Variants in FUT8 observed in about 807,000 individuals in gnomAD.
The protein encoded by FUT8 is fucosyltransferase 8, also known as alpha-(1,6)-fucosyltransferase.
In FUT8, 29 loss-of-function variants were observed where a neutral mutation model predicts 71.3. The observed-to-expected ratio is 0.41, with a 90% CI of 0.30 to 0.55. The LOEUF is 0.55. FUT8 is among the 20% of genes least tolerant of loss of function. FUT8 has a pLI of 0.34. For synonymous variants in FUT8, 254 were observed against 239.3 expected, an observed-to-expected ratio of 1.06 and a Z score of -0.57; for missense variants, 544 against 702.1, an observed-to-expected ratio of 0.77 and a Z score of 2.55.
At chr14:65,424,539 CTTTTTTTTTT>C (rs796843891) in intron 1 of FUT8, among the ~76,000 whole-genome samples, 1 of 125,448 alleles carries the variant, frequency 8.0e-6, no homozygotes, top group Non-Finnish European at 1.7e-5. Flanking sequence ...CTTTTCTTTT[CTTTTTTTTTT>C]TTTTTTTTGA....
chr14:65,715,698 T>C (rs1425374578), intron 7 of FUT8, among the ~76,000 whole-genome samples: 4 of 152,248 alleles, frequency 2.6e-5, no homozygotes, highest in Non-Finnish European at 5.9e-5. Context: ...AATTTCCTTC[T>C]TAATTTCTTC....
At chr14:65,363,311 GGGGTTTCA>G in the FUT8 span, among the ~76,000 whole-genome samples, 3 of 47,170 alleles carry the variant, frequency 6.4e-5, no homozygotes, top group Non-Finnish European at 2.7e-4. Context: ...TAGTAGAGAT[GGGGTTTCA>G]CCCTGTTGGT....
intron 7 of FUT8, among the ~76,000 whole-genome samples, chr14:65,693,992 T>G (rs1371003079): frequency 6.6e-6 from 1 of 152,220 alleles, no homozygotes; most frequent in Non-Finnish European, 1.5e-5. Context: ...ATCCATAATA[T>G]TCCTTTATTA....
At chr14:65,609,264 C>A (rs1460337608) in intron 3 of FUT8, among the ~76,000 whole-genome samples, 1 of 149,492 alleles carries the variant, frequency 6.7e-6, no homozygotes, top group Non-Finnish European at 1.5e-5. Context: ...CACTGCACTC[C>A]AGCCTGGGTG....
At chr14:65,373,850 C>G in the FUT8 span, among the ~76,000 whole-genome samples, 1 of 152,204 alleles carries the variant, frequency 6.6e-6, no homozygotes, top group Non-Finnish European at 1.5e-5. Flanking sequence ...GTGCCACCAT[C>G]CGTCCGTCTT....
In FUT8 at chr14:65,439,962, A is replaced by ACG. The variant is rs1566748188; in HGVS notation, c.-325-15659_-325-15658insCG. On this transcript the variant is annotated intron_variant, in intron 1 of 10. Transcript: ENST00000673929. ...AATGTGTGTGTGTGTGTGTATATAT[A>ACG]TATATATATATATATATATATATAT... Among the ~76,000 whole-genome samples, 69 of 113,908 alleles carry ACG rather than the reference A, an allele frequency of 6.1e-4. 2 individuals carry two copies. The highest frequency in any genetic ancestry group is 2.9e-3 in the East Asian group (11 of 3,778). 74.7% of individuals were successfully genotyped at this position (113,908 alleles called of 152,430 possible).
chr14:65,638,567 T>G lies in FUT8; in HGVS notation c.597+8961T>G, dbSNP rs1482714899. Among the ~76,000 whole-genome samples, 1 of 152,156 alleles carries G rather than the reference T, an allele frequency of 6.6e-6. No individual in the cohort carries two copies. The highest frequency in any genetic ancestry group is 1.5e-5 in the Non-Finnish European group (1 of 68,026). ...TTGGAGAAATAGAAAACTTCTCCAGTGACAGTATATGATCCTTTGGAATAA... is the reference window on the plus strand; with the variant it reads ...TTGGAGAAATAGAAAACTTCTCCAGGGACAGTATATGATCCTTTGGAATAA... On this transcript the variant is annotated intron_variant, in intron 6 of 10. Coordinates refer to ENST00000673929, the MANE Select transcript of FUT8 (RefSeq NM_001371533.1). This position sits in a 1 kb window ranked among gnomAD's most constrained non-coding sequence, Gnocchi z 4.5.
Position 65,733,386 on chromosome 14 carries a change from G to GT in FUT8, c.1410+6dup. On this transcript the variant is annotated splice_donor_region_variant and intron_variant, in intron 10 of 10. Transcript: ENST00000673929. The stretch of plus-strand genomic sequence containing the variant: ...GTGTGTACTTTTTCATCCCAGGTAA[G>GT]TGTCAGTAGGGCATTTTAAAATAAC... 6.4e-7 allele frequency: 1 copy of GT among 1,572,210 alleles called. No individual in the cohort carries two copies. The highest frequency in any genetic ancestry group is 1.2e-5 in the South Asian group (1 of 83,632).
chr14:65,536,920 A>G (rs1373548924), intron 2 of FUT8, among the ~76,000 whole-genome samples: 2 of 148,462 alleles, frequency 1.3e-5, no homozygotes, highest in Non-Finnish European at 3.0e-5. Context: ...ACATAATCCC[A>G]TATTTCCTGG....
intron 2 of FUT8, among the ~76,000 whole-genome samples, chr14:65,499,371 G>T (rs532998083): frequency 2.0e-5 from 3 of 152,156 alleles, no homozygotes; most frequent in African/African-American, 7.2e-5. Flanking sequence ...TTAAGTAGAG[G>T]CCCTCAAACA....
chr14:65,697,442 G>A (rs545231130), intron 7 of FUT8, among the ~76,000 whole-genome samples: 29 of 152,238 alleles, frequency 1.9e-4, no homozygotes, highest in Admixed American at 8.5e-4. Context: ...CCTGAATTGG[G>A]TATTTCTCTT....
chr14:65,641,398 T>G (rs1890822720), intron 6 of FUT8, among the ~76,000 whole-genome samples: 1 of 152,204 alleles, frequency 6.6e-6, no homozygotes, highest in Admixed American at 6.5e-5. Flanking sequence ...TATGCCAAAA[T>G]TTACTTATTT....
intron 7 of FUT8, among the ~76,000 whole-genome samples, chr14:65,709,163 A>T (rs1894699241): frequency 6.6e-6 from 1 of 152,242 alleles, no homozygotes; most frequent in African/African-American, 2.4e-5. Flanking sequence ...AATTAAAACA[A>T]AACAAATATG....
intron 2 of FUT8, among the ~76,000 whole-genome samples, chr14:65,497,513 C>T (rs1010718015): frequency 5.3e-5 from 8 of 151,618 alleles, no homozygotes; most frequent in Non-Finnish European, 8.8e-5. Flanking sequence ...TTATTCTTCC[C>T]GATGATTAAA....
intron 6 of FUT8, among the ~76,000 whole-genome samples, chr14:65,644,318 TCTCA>T (rs1356670212): frequency 2.0e-5 from 3 of 151,898 alleles, no homozygotes; most frequent in Admixed American, 1.3e-4. Flanking sequence ...TGAGACGGAG[TCTCA>T]CTCTGTCACC....
chr14:65,591,926 A>C (rs1427543438), intron 3 of FUT8, among the ~76,000 whole-genome samples: 3 of 151,624 alleles, frequency 2.0e-5, no homozygotes, highest in African/African-American at 7.3e-5. Context: ...CAAGTCACAT[A>C]CTGTAACAAT....
At chr14:65,535,961 T>G (rs1884279667) in intron 2 of FUT8, among the ~76,000 whole-genome samples, 1 of 152,202 alleles carries the variant, frequency 6.6e-6, no homozygotes, top group Admixed American at 6.5e-5. Context: ...ATCTGGATAC[T>G]CCTGTGTTGG....
At chr14:65,581,015 T>C (rs1242126586) in intron 3 of FUT8, among the ~76,000 whole-genome samples, 1 of 152,128 alleles carries the variant, frequency 6.6e-6, no homozygotes, top group Non-Finnish European at 1.5e-5. Flanking sequence ...CCCAGCAAAA[T>C]ACTATTTCTA....
At chr14:65,602,090 C>T (rs938061970) in intron 3 of FUT8, among the ~76,000 whole-genome samples, 5 of 151,652 alleles carry the variant, frequency 3.3e-5, no homozygotes, top group African/African-American at 9.7e-5. Flanking sequence ...GAGCAGTATA[C>T]GCTGAACCCA....
Sources: gnomAD v4.1 joint callset for allele counts (sites outside exome capture counted in the v4.1 genomes callset) on GRCh38, gnomAD v4.1.1 for gene constraint, Gnocchi (gnomAD v3.1) non-coding constraint, MANE v1.5 for transcripts, NCBI Gene and HGNC (gene_info 2026-07-23, HGNC 2026-07-21) for gene names.